The following CACNA1E variants were observed in gnomAD, a reference collection of about 807,000 sequenced individuals.
The protein encoded by CACNA1E is voltage-dependent R-type calcium channel subunit alpha-1E.
In CACNA1E, 40 loss-of-function variants were observed where a neutral mutation model predicts 259.2. The ratio of observed to expected loss-of-function variants is 0.15; its 90% CI spans 0.12 to 0.20. CACNA1E has a LOEUF of 0.20. Among genes scored for constraint, CACNA1E ranks in the 10% least tolerant of loss-of-function variants. CACNA1E has a pLI of 1.00. For missense variants in CACNA1E, 1,874 were observed against 3,040.1 expected, an observed-to-expected ratio of 0.62 and a Z score of 9.02; for synonymous variants, 1,104 against 1,138.5, an observed-to-expected ratio of 0.97 and a Z score of 0.61.
intron 1 of CACNA1E, among the ~76,000 whole-genome samples, chr1:181,350,836 G>A (rs1465557579): frequency 6.6e-6 from 1 of 152,198 alleles, no homozygotes; most frequent in Non-Finnish European, 1.5e-5. Context: ...GCAAGTATTT[G>A]TTGGGTGCCC....
intron 1 of CACNA1E, among the ~76,000 whole-genome samples, chr1:181,408,308 T>C (rs1657609371): frequency 6.6e-6 from 1 of 152,114 alleles, no homozygotes; most frequent in Non-Finnish European, 1.5e-5. Context: ...AAGATGAATG[T>C]CCTCAATGTG....
chr1:181,709,583 G>T (rs1224447414), intron 7 of CACNA1E, among the ~76,000 whole-genome samples: 2 of 152,202 alleles, frequency 1.3e-5, no homozygotes, highest in African/African-American at 4.8e-5. Flanking sequence ...ACATGACAGA[G>T]AAACTGGCAG....
intron 8 of CACNA1E, among the ~76,000 whole-genome samples, chr1:181,715,055 C>T (rs1653757454): frequency 1.3e-5 from 2 of 152,216 alleles, no homozygotes; most frequent in African/African-American, 4.8e-5. Flanking sequence ...AGGATTTTAG[C>T]TTCTTCCTCT....
At chr1:181,454,452 A>G (rs887903972) in intron 2 of CACNA1E, among the ~76,000 whole-genome samples, 1 of 152,230 alleles carries the variant, frequency 6.6e-6, no homozygotes, top group Non-Finnish European at 1.5e-5. Flanking sequence ...TGAGGCTTAG[A>G]CAAGGTGAAA....
At chr1:181,535,860 T>A (rs925963505) in intron 3 of CACNA1E, among the ~76,000 whole-genome samples, 1 of 152,104 alleles carries the variant, frequency 6.6e-6, no homozygotes, top group Non-Finnish European at 1.5e-5. Flanking sequence ...CTAATTTTTG[T>A]ATTTTTAGTA....
chr1:181,397,555 C>T (rs1339242807), intron 1 of CACNA1E, among the ~76,000 whole-genome samples: 2 of 152,178 alleles, frequency 1.3e-5, no homozygotes. Flanking sequence ...GCCTCGGCCT[C>T]CCAAAGTGCT....
intron 6 of CACNA1E, among the ~76,000 whole-genome samples, chr1:181,631,303 G>A (rs956497444): frequency 2.0e-5 from 3 of 152,196 alleles, no homozygotes; most frequent in Non-Finnish European, 2.9e-5. Context: ...TTCAGGTCCA[G>A]GGTGATGACT....
intron 1 of CACNA1E, among the ~76,000 whole-genome samples, chr1:181,400,844 C>T (rs1490159220): frequency 5.3e-5 from 8 of 152,134 alleles, no homozygotes; most frequent in Admixed American, 1.3e-4. Flanking sequence ...GAGAGGGTCA[C>T]GCTTTGCTGT....
At chr1:181,393,569 C>T (rs1227955320) in intron 1 of CACNA1E, among the ~76,000 whole-genome samples, 2 of 152,142 alleles carry the variant, frequency 1.3e-5, no homozygotes, top group African/African-American at 2.4e-5. Flanking sequence ...GCGATCCTCC[C>T]ACCTCACTTC....
chr1:181,588,087 A>C (rs1280021597), intron 6 of CACNA1E, among the ~76,000 whole-genome samples: 2 of 152,150 alleles, frequency 1.3e-5, no homozygotes, highest in African/African-American at 2.4e-5. Context: ...ACATGTGCAG[A>C]GTAAGCTGTG....
At chr1:181,579,845 C>T (rs1651346156) in intron 5 of CACNA1E, among the ~76,000 whole-genome samples, 1 of 152,186 alleles carries the variant, frequency 6.6e-6, no homozygotes, top group Admixed American at 6.5e-5. Context: ...CATGATCCTT[C>T]TCACCATCTT....
In CACNA1E at chr1:181,796,251, C is replaced by T. The variant is rs547088402; in HGVS notation, c.6209-417C>T. Among the ~76,000 whole-genome samples, 8 of 152,244 alleles carry T rather than the reference C, an allele frequency of 5.3e-5. No homozygotes were observed. In the East Asian group the frequency reaches 1.5e-3, roughly 29 times the overall value. ...GGAGAAGCCAGGATTCTTTTAGGGG[C>T]CTATCTTTTTTCAGGCTGCTACAAC... On this transcript the variant is annotated intron_variant, in intron 46 of 47. Coordinates refer to ENST00000367573, the MANE Select transcript of CACNA1E (RefSeq NM_001205293.3).
Position 181,807,947 on chromosome 1 carries a change from T to C in CACNA1E, c.*9113T>C, listed in dbSNP as rs1156956283. The C allele has an allele frequency of 6.6e-6, 1 of 152,214 alleles. No individual in the cohort carries two copies. Among genetic ancestry groups the C allele is most frequent in the Non-Finnish European group, 1.5e-5 (1 of 68,034 alleles). 9.4% of individuals were successfully genotyped at this position (152,214 alleles called of 1,614,324 possible). Reference sequence around the variant, plus strand: ...TTTATGAGATAATAAGTTGGTTTCTTGGGCAAAGGTTGGTTTGTAAGCCAT... The same window carrying C: ...TTTATGAGATAATAAGTTGGTTTCTCGGGCAAAGGTTGGTTTGTAAGCCAT... On this transcript the variant is annotated 3_prime_UTR_variant, in exon 48 of 48. Coordinates refer to ENST00000367573, the MANE Select transcript of CACNA1E (RefSeq NM_001205293.3).
intron 2 of CACNA1E, among the ~76,000 whole-genome samples, chr1:181,471,065 G>T (rs970065419): frequency 1.3e-5 from 2 of 152,166 alleles, no homozygotes; most frequent in Admixed American, 6.5e-5. Context: ...CTTGAATGCT[G>T]CTTCCTCCAG....
At chr1:181,680,380 G>T (rs1649830002) in intron 7 of CACNA1E, among the ~76,000 whole-genome samples, 1 of 152,146 alleles carries the variant, frequency 6.6e-6, no homozygotes, top group African/African-American at 2.4e-5. Flanking sequence ...CCATTAGGGT[G>T]AAGGATGTGA....
chr1:181,526,868 C>T (rs1266964022), intron 3 of CACNA1E, among the ~76,000 whole-genome samples: 2 of 152,192 alleles, frequency 1.3e-5, no homozygotes, highest in African/African-American at 4.8e-5. Flanking sequence ...GCATTTGAAA[C>T]AGTGCTCTGC....
intron 1 of CACNA1E, among the ~76,000 whole-genome samples, chr1:181,349,225 G>A (rs1318190836): frequency 6.6e-6 from 1 of 152,172 alleles, no homozygotes; most frequent in Admixed American, 6.5e-5. Context: ...TGTTTGGGTG[G>A]GGACAGAAAC....
chr1:181,355,901 C>T (rs1224058550), intron 1 of CACNA1E, among the ~76,000 whole-genome samples: 2 of 152,080 alleles, frequency 1.3e-5, no homozygotes, highest in Admixed American at 6.5e-5. Flanking sequence ...GGAATGAAGA[C>T]CCAATTTGTA....
chr1:181,695,535 C>T (rs56771457), intron 7 of CACNA1E, among the ~76,000 whole-genome samples: 3,840 of 152,236 alleles, frequency 0.025, 162 homozygotes, highest in African/African-American at 0.088. Flanking sequence ...GACAAATAGA[C>T]CACTGGAACA....
Sources: gnomAD v4.1 joint callset for allele counts (sites outside exome capture counted in the v4.1 genomes callset) on GRCh38, gnomAD v4.1.1 for gene constraint, MANE v1.5 for transcripts, NCBI Gene and HGNC (gene_info 2026-07-23, HGNC 2026-07-21) for gene names.